PCDH17: variants seen among roughly 807,000 people sequenced by gnomAD.
The protein encoded by PCDH17 is protocadherin 17.
Under a neutral mutation model 67.7 loss-of-function variants are expected in PCDH17, and 21 were observed. That is an observed-to-expected ratio of 0.31 (90% CI 0.22 to 0.45). PCDH17 has a LOEUF of 0.45. Ranked by LOEUF, PCDH17 falls within the 20% of genes least tolerant of loss-of-function variation. PCDH17 has a pLI of 1.00. For synonymous variants in PCDH17, 701 were observed against 656.7 expected (o/e 1.07, Z -1.03); for missense variants, 1,471 against 1,564.8 (o/e 0.94, Z 1.01).
Position 57,722,047 on chromosome 13 carries a change from A to C in PCDH17, c.2798-2565A>C, listed in dbSNP as rs144062880. Reference sequence around the variant, plus strand: ...CTGCCATCAAAATTATAGTCTAATCACAAGGTGAACAGCTTGTAATGTATC... The same window carrying C: ...CTGCCATCAAAATTATAGTCTAATCCCAAGGTGAACAGCTTGTAATGTATC... On this transcript the variant is annotated intron_variant, in intron 3 of 3. Coordinates refer to ENST00000377918, the MANE Select transcript of PCDH17 (RefSeq NM_001040429.3). 5.3e-4 allele frequency among the ~76,000 whole-genome samples: 81 copies of C among 152,288 alleles called. 1 individual carries two copies. The highest frequency in any genetic ancestry group is 9.3e-4 in the Non-Finnish European group (63 of 68,024).
At chr13:57,701,597 T>C (rs1249713193) in intron 3 of PCDH17, among the ~76,000 whole-genome samples, 1 of 152,248 alleles carries the variant, frequency 6.6e-6, no homozygotes, top group Admixed American at 6.5e-5. Flanking sequence ...ATGCTTACAA[T>C]TATTTTTCAT....
At chr13:57,700,415 T>C (rs1291765347) in intron 3 of PCDH17, among the ~76,000 whole-genome samples, 3 of 151,504 alleles carry the variant, frequency 2.0e-5, no homozygotes, top group African/African-American at 7.3e-5. Flanking sequence ...GCCTCCCGGC[T>C]ACAAGCGATT....
intron 3 of PCDH17, among the ~76,000 whole-genome samples, chr13:57,712,011 G>A (rs1422661057): frequency 6.6e-6 from 1 of 151,422 alleles, no homozygotes; most frequent in Non-Finnish European, 1.5e-5. Context: ...AAAAAGCCTA[G>A]ATAGAAAGTT....
At chr13:57,706,013 C>CT (rs1955717945) in intron 3 of PCDH17, among the ~76,000 whole-genome samples, 2 of 140,290 alleles carry the variant, frequency 1.4e-5, no homozygotes, top group Non-Finnish European at 1.5e-5. Context: ...AAAACTCAGT[C>CT]TTAAAAAAAA....
intron 3 of PCDH17, among the ~76,000 whole-genome samples, chr13:57,669,965 T>C (rs1955300127): frequency 6.6e-6 from 1 of 152,050 alleles, no homozygotes; most frequent in African/African-American, 2.4e-5. Flanking sequence ...CTGAAACATA[T>C]TACCCTATTT....
Position 57,633,780 on chromosome 13 carries a change from T to C in PCDH17, c.1234T>C (p.Phe412Leu), listed in dbSNP as rs948361924. The stretch of plus-strand genomic sequence containing the variant: ...GGGCGGGCCCGGGGGTTCCGTCCCC[T>C]TCAAGCTTGAGGAGAACTACGACAA... ...GLGGPGGSVPFKLEENYDNFY... is the reference protein window; with the variant it reads ...GLGGPGGSVPLKLEENYDNFY... The change falls in exon 1 of 4, where the codon TTC becomes CTC. Residue 412 changes from phenylalanine to leucine, a missense_variant. Transcript: ENST00000377918. The surrounding 1 kb of genome is among the most constrained non-coding windows in gnomAD (Gnocchi z 6.2). 8.1e-6 allele frequency: 13 copies of C among 1,602,386 alleles called. No homozygotes were observed. Among genetic ancestry groups the C allele is most frequent in the Non-Finnish European group, 1.0e-5 (12 of 1,177,420 alleles).
chr13:57,695,655 C>T (rs1955599637), intron 3 of PCDH17, among the ~76,000 whole-genome samples: 1 of 151,146 alleles, frequency 6.6e-6, no homozygotes, highest in South Asian at 2.1e-4. Flanking sequence ...TCTGAAGAAA[C>T]ATCAAATTAG....
intron 1 of PCDH17, among the ~76,000 whole-genome samples, chr13:57,664,909 A>G (rs1386360723): frequency 6.6e-6 from 1 of 152,196 alleles, no homozygotes; most frequent in Non-Finnish European, 1.5e-5. Flanking sequence ...TTAAAAACTG[A>G]TATTTTGTCA....
chr13:57,636,243 A>G (rs2137975583), intron 1 of PCDH17, among the ~76,000 whole-genome samples: 2 of 152,232 alleles, frequency 1.3e-5, no homozygotes, highest in Admixed American at 1.3e-4. Context: ...ATTACTCTGG[A>G]TGAGCAGTAT....
chr13:57,644,603 G>A (rs1294213648), intron 1 of PCDH17, among the ~76,000 whole-genome samples: 1 of 151,470 alleles, frequency 6.6e-6, no homozygotes, highest in African/African-American at 2.4e-5. Flanking sequence ...CCCCCCTTGG[G>A]CAGATGTGTG....
chr13:57,657,116 A>G (rs1472109014), intron 1 of PCDH17, among the ~76,000 whole-genome samples: 1 of 152,168 alleles, frequency 6.6e-6, no homozygotes. Flanking sequence ...AGTTATTATT[A>G]AAGTTATCAA....
intron 1 of PCDH17, among the ~76,000 whole-genome samples, chr13:57,651,694 G>A (rs1381984355): frequency 1.3e-5 from 2 of 152,010 alleles, no homozygotes; most frequent in East Asian, 3.9e-4. Flanking sequence ...CAGTCCAGGG[G>A]AAGTTGCTTA....
chr13:57,668,640 G>A (rs1272642784), intron 3 of PCDH17, among the ~76,000 whole-genome samples: 1 of 151,848 alleles, frequency 6.6e-6, no homozygotes, highest in Non-Finnish European at 1.5e-5. Context: ...TAGGGAAGGT[G>A]GCTATTATTA....
chr13:57,632,477 C>T lies in PCDH17; in HGVS notation c.-70C>T, dbSNP rs1954738502. On this transcript the variant is annotated 5_prime_UTR_variant, in exon 1 of 4. Coordinates refer to ENST00000377918, the MANE Select transcript of PCDH17 (RefSeq NM_001040429.3). Reference sequence around the variant, plus strand: ...GCGCGCGCACGCTGCGCCAGGGCCCCAGGCTGGCGCGCACTCCCTCTCTGG... The same window carrying T: ...GCGCGCGCACGCTGCGCCAGGGCCCTAGGCTGGCGCGCACTCCCTCTCTGG... The T allele has an allele frequency of 1.4e-5, 21 of 1,490,564 alleles. 1 individual carries two copies. The South Asian group carries it at 2.6e-4, about 18-fold the overall frequency. 92.3% of individuals were successfully genotyped at this position (1,490,564 alleles called of 1,614,324 possible). A position where few individuals can be genotyped will look rare whatever the true frequency, so the allele number is the denominator to read the frequency against.
intron 1 of PCDH17, among the ~76,000 whole-genome samples, chr13:57,654,389 G>C (rs1184757463): frequency 7.0e-6 from 1 of 143,596 alleles, no homozygotes; most frequent in Non-Finnish European, 1.5e-5. Flanking sequence ...GACTGTTATT[G>C]ATATTTCTTA....
intron 3 of PCDH17, among the ~76,000 whole-genome samples, 178 bp downstream of exon 3, chr13:57,667,011 C>T (rs965086308): frequency 3.3e-5 from 5 of 152,046 alleles, no homozygotes; most frequent in South Asian, 2.1e-4. Context: ...CAGTCAAAAA[C>T]GAAAAACGAA....
intron 3 of PCDH17, among the ~76,000 whole-genome samples, chr13:57,668,808 A>T (rs1313910430): frequency 6.6e-6 from 1 of 152,062 alleles, no homozygotes; most frequent in East Asian, 1.9e-4. Flanking sequence ...ATTATGTGTA[A>T]AAGACTGGCT....
chr13:57,715,986 A>C (rs769877754), intron 3 of PCDH17, among the ~76,000 whole-genome samples: 1 of 151,982 alleles, frequency 6.6e-6, no homozygotes, highest in Non-Finnish European at 1.5e-5. Flanking sequence ...GCACATTAAG[A>C]CTTTCTTTAG....
rs1243557760 is a variant in PCDH17, at chr13:57,725,178, G to T, written c.3364G>T (p.Asp1122Tyr). ...GATGGGTGCTGTTCTTGAGCAGCTT[G>T]ACCACCCCAACAGGGATCTGGGCAG... is the stretch of plus-strand genomic sequence containing the variant. Reference protein sequence around the residue: ...SEMGAVLEQLDHPNRDLGRES... With the variant: ...SEMGAVLEQLYHPNRDLGRES... The change falls in exon 4 of 4, where the codon GAC becomes TAC. Residue 1122 changes from aspartate to tyrosine, a missense_variant. Around this residue, in one of 3 missense-constraint regions of PCDH17, gnomAD observed 297 missense variants for 298.6 expected, o/e 0.99. Transcript: ENST00000377918. 6.2e-7 allele frequency: 1 copy of T among 1,614,086 alleles called. No individual in the cohort carries two copies. Among genetic ancestry groups the T allele is most frequent in the Non-Finnish European group, 8.5e-7 (1 of 1,179,992 alleles).
Sources: allele counts gnomAD v4.1 joint callset (sites outside exome capture counted in the v4.1 genomes callset), GRCh38; gene constraint gnomAD v4.1.1; regional missense constraint gnomAD v4.1.1; non-coding constraint Gnocchi (gnomAD v3.1); transcripts MANE v1.5; gene names NCBI Gene and HGNC (gene_info 2026-07-23, HGNC 2026-07-21).